Variants in TTC28 observed in about 807,000 individuals in gnomAD.
TTC28 encodes tetratricopeptide repeat protein 28.
A neutral mutation model predicts 198.0 loss-of-function variants in TTC28; 61 were observed. The observed-to-expected ratio is 0.31, with a 90% confidence interval of 0.25 to 0.38. TTC28 has a LOEUF of 0.38. TTC28 is among the 10% of genes least tolerant of loss of function. TTC28 has a pLI of 1.00. For synonymous variants in TTC28, 1,171 were observed against 1,297.8 expected (o/e 0.90, Z 2.10); for missense variants, 2,678 against 3,164.0 (o/e 0.85, Z 3.69).
At chr22:28,172,465 T>C (rs1023736974) in intron 5 of TTC28, among the ~76,000 whole-genome samples, 1 of 152,234 alleles carries the variant, frequency 6.6e-6, no homozygotes, top group Non-Finnish European at 1.5e-5. Context: ...CAGGCGTCGC[T>C]GTTCTCAGGA....
rs779703152 is a variant in TTC28, at chr22:27,999,042, C to G, written c.4617G>C (p.Gln1539His). 4.5e-6 allele frequency: 7 copies of G among 1,550,430 alleles called. No individual in the cohort carries two copies. In the South Asian group the frequency reaches 7.1e-5, roughly 16 times the overall value. The change falls in exon 16 of 23, where the codon CAG (glutamine) becomes CAC (histidine). Residue 1539 changes from glutamine (Q) to histidine (H), a missense_variant. Gln to His is a conservative substitution (Grantham distance 24). Transcript: ENST00000397906. Reference sequence around the variant, plus strand: ...GGGTGGCAAAGTGGACGCATTCAGCCTGGGTCAGGGCACTCATGACCCTCT... The same window carrying G: ...GGGTGGCAAAGTGGACGCATTCAGCGTGGGTCAGGGCACTCATGACCCTCT... Reference protein sequence around the residue: ...TKERVMSALTQAECVHFATHI... With the variant: ...TKERVMSALTHAECVHFATHI...
chr22:28,248,504 T>G (rs751587783), intron 5 of TTC28, among the ~76,000 whole-genome samples: 2 of 152,188 alleles, frequency 1.3e-5, no homozygotes, highest in Non-Finnish European at 2.9e-5. Flanking sequence ...ATATGCACCC[T>G]ACATCATACA....
At chr22:28,086,174 C>A (rs1941588535) in intron 12 of TTC28, among the ~76,000 whole-genome samples, 1 of 152,120 alleles carries the variant, frequency 6.6e-6, no homozygotes, top group African/African-American at 2.4e-5. Flanking sequence ...TAATAGACAT[C>A]TACAGAACTC....
intron 2 of TTC28, among the ~76,000 whole-genome samples, chr22:28,398,961 A>G (rs1346585175): frequency 2.0e-5 from 3 of 151,756 alleles, no homozygotes; most frequent in Non-Finnish European, 4.4e-5. Flanking sequence ...ATGTGTTTTT[A>G]AACTTAAACA....
At chr22:28,446,856 A>G (rs989820030) in intron 2 of TTC28, among the ~76,000 whole-genome samples, 1 of 152,256 alleles carries the variant, frequency 6.6e-6, no homozygotes, top group Non-Finnish European at 1.5e-5. Flanking sequence ...TTGAAGCTAT[A>G]AACAGTAGGA....
At chr22:28,139,088 T>C (rs578173829) in intron 6 of TTC28, among the ~76,000 whole-genome samples, 1 of 151,958 alleles carries the variant, frequency 6.6e-6, no homozygotes, top group South Asian at 2.1e-4. Flanking sequence ...GTTGAAGCGA[T>C]TGAAGGAGAT....
intron 12 of TTC28, among the ~76,000 whole-genome samples, chr22:28,070,820 C>A (rs960630120): frequency 6.6e-6 from 1 of 152,198 alleles, no homozygotes; most frequent in African/African-American, 2.4e-5. Context: ...ACAGTTTCAA[C>A]GTATTAAGCC....
At chr22:28,147,378 T>C (rs1262610489) in intron 6 of TTC28, among the ~76,000 whole-genome samples, 1 of 152,230 alleles carries the variant, frequency 6.6e-6, no homozygotes, top group South Asian at 2.1e-4. Flanking sequence ...GGTCTGTATG[T>C]GTGCTTAAGT....
intron 2 of TTC28, among the ~76,000 whole-genome samples, chr22:28,608,481 A>T (rs753282917): frequency 1.3e-5 from 2 of 152,250 alleles, no homozygotes; most frequent in Non-Finnish European, 2.9e-5. Context: ...CTGATGCAGC[A>T]ATACATATCA....
intron 2 of TTC28, among the ~76,000 whole-genome samples, chr22:28,619,395 T>C (rs986199419): frequency 3.3e-5 from 5 of 152,188 alleles, no homozygotes; most frequent in African/African-American, 1.2e-4. Flanking sequence ...CAAACCTAGA[T>C]TGAATTCCAA....
chr22:28,504,404 T>G (rs1228040999), intron 2 of TTC28, among the ~76,000 whole-genome samples: 2 of 152,152 alleles, frequency 1.3e-5, no homozygotes, highest in African/African-American at 4.8e-5. Context: ...TACACATTCA[T>G]CTCATATACA....
chr22:28,220,526 T>C (rs1262359286), intron 5 of TTC28, among the ~76,000 whole-genome samples: 2 of 152,218 alleles, frequency 1.3e-5, no homozygotes, highest in East Asian at 3.9e-4. Flanking sequence ...AGTTTTTTGC[T>C]GGCTGTCAGG....
chr22:28,563,530 C>T (rs534111241), intron 2 of TTC28, among the ~76,000 whole-genome samples: 2 of 152,182 alleles, frequency 1.3e-5, no homozygotes, highest in South Asian at 4.1e-4. Flanking sequence ...TAAACAGCAA[C>T]AAGCACATGA....
At chr22:28,314,852 AAC>A (rs2045326409) in intron 2 of TTC28, among the ~76,000 whole-genome samples, 2 of 152,126 alleles carry the variant, frequency 1.3e-5, no homozygotes, top group South Asian at 4.2e-4. Context: ...CAGCCTGGGA[AAC>A]AGAGTGAGAC....
intron 2 of TTC28, among the ~76,000 whole-genome samples, chr22:28,501,210 T>A (rs574755377): frequency 6.6e-6 from 1 of 152,226 alleles, no homozygotes; most frequent in South Asian, 2.1e-4. Flanking sequence ...AATATAATCA[T>A]CAGAAAAACA....
intron 7 of TTC28, among the ~76,000 whole-genome samples, chr22:28,106,277 G>T (rs1482387478): frequency 6.6e-6 from 1 of 152,090 alleles, no homozygotes; most frequent in African/African-American, 2.4e-5. Context: ...CTCTCTGGTG[G>T]GGCCATATAT....
chr22:28,513,959 G>GT lies in TTC28; in HGVS notation c.381+115592dup, dbSNP rs1173028509. On this transcript the variant is annotated intron_variant, in intron 2 of 22. Transcript: ENST00000397906. ...TTAAAAAATTACTTAAAATCATACTGTTATAACAGGCAGTCTTTGTACAAA... is the reference window on the plus strand; with the variant it reads ...TTAAAAAATTACTTAAAATCATACTGTTTATAACAGGCAGTCTTTGTACAAA... Among the ~76,000 whole-genome samples, 23 of 152,102 alleles carry GT rather than the reference G, an allele frequency of 1.5e-4. No individual in the cohort carries two copies. The East Asian group carries it at 3.7e-3, about 24-fold the overall frequency.
intron 2 of TTC28, among the ~76,000 whole-genome samples, chr22:28,364,265 T>TTC: frequency 6.6e-6 from 1 of 152,098 alleles, no homozygotes; most frequent in Non-Finnish European, 1.5e-5. Context: ...CCTGCACAAG[T>TTC]TCTCTCTCTT....
At position 28,108,345 on chromosome 22, in the gene TTC28, G is replaced by A; in HGVS notation, c.1500C>T (p.His500=). Residue 500 remains histidine, a synonymous_variant, in exon 7 of 23, where the codon CAC becomes CAT. Transcript: ENST00000397906. ...YDTALKLHKT[H]LCIAQELSDY... Reference sequence around the variant, plus strand: ...CACTCAGCTCCTGGGCAATGCACAGGTGGGTCTTGTGGAGTTTCAGTGCAG... The same window carrying A: ...CACTCAGCTCCTGGGCAATGCACAGATGGGTCTTGTGGAGTTTCAGTGCAG... The A allele has an allele frequency of 2.0e-6, 3 of 1,490,292 alleles. No individual in the cohort carries two copies. Among genetic ancestry groups the A allele is most frequent in the South Asian group, 2.7e-5 (2 of 75,044 alleles). The allele number at this position is 1,490,292 out of a possible 1,614,324, so 92.3% of individuals were successfully genotyped here. A position where few individuals can be genotyped will look rare whatever the true frequency, so the allele number is the denominator to read the frequency against.
Sources: gnomAD v4.1 joint callset for allele counts (sites outside exome capture counted in the v4.1 genomes callset) on GRCh38, gnomAD v4.1.1 for gene constraint, MANE v1.5 for transcripts, NCBI Gene and HGNC (gene_info 2026-07-23, HGNC 2026-07-21) for gene names.